The following DIS3 variants were observed in gnomAD, a reference collection of about 807,000 sequenced individuals.
DIS3 encodes exosome complex exonuclease RRP44.
DIS3 carries 103 observed loss-of-function variants against 113.0 expected under a neutral mutation model. The ratio of observed to expected loss-of-function variants is 0.91; its 90% CI spans 0.78 to 1.07. The LOEUF (loss-of-function observed/expected upper bound fraction) is 1.07, where lower values mean the gene tolerates loss of function less well. Among genes scored for constraint, DIS3 ranks in the 50% least tolerant of loss-of-function variants. The pLI is 0.00. For missense variants in DIS3, 1,121 were observed against 1,167.1 expected, an observed-to-expected ratio of 0.96 and a Z score of 0.58; for synonymous variants, 402 against 394.3, an observed-to-expected ratio of 1.02 and a Z score of -0.23.
intron 3 of DIS3, 63 bp downstream of exon 3, chr13:72,778,123 GC>G: frequency 7.4e-7 from 1 of 1,348,854 alleles, no homozygotes; most frequent in Non-Finnish European, 1.0e-6. Flanking sequence ...CTGACTATAG[GC>G]CTAATGATTA....
At chr13:72,767,828 C>T (rs1229160038) in intron 14 of DIS3, among the ~76,000 whole-genome samples, 3 of 152,194 alleles carry the variant, frequency 2.0e-5, no homozygotes, top group Non-Finnish European at 4.4e-5. Context: ...CTGCTTGTGA[C>T]CCTATCCTAG....
chr13:72,775,834 T>C (rs1345027911), intron 5 of DIS3, 91 bp downstream of exon 5: 1 of 1,132,950 alleles, frequency 8.8e-7, no homozygotes, highest in Non-Finnish European at 1.2e-6. Context: ...AAGCCTCATA[T>C]GTTACACAAA....
In DIS3 at chr13:72,772,311, T is replaced by A. The variant is rs765240194; in HGVS notation, c.1387-36A>T. The A allele has an allele frequency of 2.0e-6, 3 of 1,485,218 alleles. No homozygotes were observed. The East Asian group carries it at 6.8e-5, about 34-fold the overall frequency. The allele number at this position is 1,485,218 out of a possible 1,614,324, so 92.0% of individuals were successfully genotyped here. A position where few individuals can be genotyped will look rare whatever the true frequency, so the allele number is the denominator to read the frequency against. ...TGAAATGATAAACAAATAAATTATTTCCAAAGCACAACTACAACATATTAA... is the reference window on the plus strand; with the variant it reads ...TGAAATGATAAACAAATAAATTATTACCAAAGCACAACTACAACATATTAA... On this transcript the variant is annotated intron_variant, in intron 9 of 20. Transcript: ENST00000377767.
chr13:72,761,063 T>A, intron 19 of DIS3, among the ~76,000 whole-genome samples: 1 of 151,958 alleles, frequency 6.6e-6, no homozygotes, highest in East Asian at 1.9e-4. Context: ...AAAAAAAAGT[T>A]CCTTCCCCGA....
intron 19 of DIS3, 112 bp from the exon 20 acceptor site, chr13:72,760,763 G>A: frequency 7.8e-7 from 1 of 1,288,126 alleles, no homozygotes; most frequent in Non-Finnish European, 1.0e-6. Context: ...AAATTAGTAA[G>A]CATCTACGTG....
At chr13:72,776,222 T>C (rs1244323782) in intron 4 of DIS3, 130 bp from the exon 5 acceptor site, 4 of 861,348 alleles carry the variant, frequency 4.6e-6, no homozygotes, top group African/African-American at 1.8e-5. Context: ...GGAGAGAAGA[T>C]AGCAGTGTTT....
At chr13:72,769,246 G>A (rs903319085) in intron 13 of DIS3, among the ~76,000 whole-genome samples, 2 of 152,102 alleles carry the variant, frequency 1.3e-5, no homozygotes, top group Admixed American at 6.5e-5. Flanking sequence ...AGGTTAGATC[G>A]ATTCCTTCTC....
At chr13:72,762,274 A>G in intron 16 of DIS3, 137 bp from the exon 17 acceptor site, 3 of 757,712 alleles carry the variant, frequency 4.0e-6, no homozygotes, top group Non-Finnish European at 4.2e-6. Flanking sequence ...TAGAAGTAGT[A>G]GCCAGAAACA....
intron 11 of DIS3, among the ~76,000 whole-genome samples, chr13:72,771,444 T>G (rs919495514): frequency 2.0e-5 from 3 of 152,150 alleles, no homozygotes; most frequent in South Asian, 2.1e-4. Flanking sequence ...CTGGTCTGTA[T>G]AAGTTTATAC....
chr13:72,763,378 T>A, intron 16 of DIS3, 73 bp downstream of exon 16: 1 of 1,458,778 alleles, frequency 6.9e-7, no homozygotes, highest in Non-Finnish European at 9.2e-7. Flanking sequence ...TATGGAAATA[T>A]GAATATAAAT....
chr13:72,758,884 T>C lies in DIS3; in HGVS notation c.*911A>G, dbSNP rs2138142184. ...AGGCAACCCTATCCCAAAATATTCCTGAAGATATTAATTTAATCATTACTA... is the reference window on the plus strand; with the variant it reads ...AGGCAACCCTATCCCAAAATATTCCCGAAGATATTAATTTAATCATTACTA... On this transcript the variant is annotated 3_prime_UTR_variant, in exon 21 of 21. Coordinates refer to ENST00000377767, the MANE Select transcript of DIS3 (RefSeq NM_014953.5). The C allele has an allele frequency of 5.5e-6, 1 of 183,442 alleles. No homozygotes were observed. Among genetic ancestry groups the C allele is most frequent in the East Asian group, 8.9e-5 (1 of 11,248 alleles). The allele number at this position is 183,442 out of a possible 1,614,324, so 11.4% of individuals were successfully genotyped here. A position where few individuals can be genotyped will look rare whatever the true frequency, so the allele number is the denominator to read the frequency against.
intron 20 of DIS3, 80 bp from the exon 21 acceptor site, chr13:72,759,958 G>C: frequency 8.9e-7 from 1 of 1,128,334 alleles, no homozygotes; most frequent in Non-Finnish European, 1.3e-6. Flanking sequence ...CTTCCCCACT[G>C]CCAGCTTCAA....
chr13:72,772,971 C>G, intron 8 of DIS3, 132 bp from the exon 9 acceptor site: 1 of 1,048,102 alleles, frequency 9.5e-7, no homozygotes, highest in East Asian at 2.8e-5. Flanking sequence ...GAAAAATGAC[C>G]CTTTAGTAAA....
At chr13:72,769,685 G>A (rs1287993966) in intron 13 of DIS3, among the ~76,000 whole-genome samples, 1 of 152,020 alleles carries the variant, frequency 6.6e-6, no homozygotes, top group Non-Finnish European at 1.5e-5. Flanking sequence ...ATATAATTTT[G>A]TTATACTGAC....
intron 15 of DIS3, 45 bp from the exon 16 acceptor site, chr13:72,763,652 G>C: frequency 6.4e-7 from 1 of 1,561,354 alleles, no homozygotes; most frequent in Non-Finnish European, 8.7e-7. Context: ...GAGAATCTGA[G>C]ACTTCTATAT....
At chr13:72,765,686 A>AT (rs35022505) in intron 15 of DIS3, among the ~76,000 whole-genome samples, 4 of 152,030 alleles carry the variant, frequency 2.6e-5, no homozygotes, top group South Asian at 4.1e-4. Context: ...AATTGGGGTA[A>AT]TTTTTTTTAT....
chr13:72,777,619 ACT>A, intron 3 of DIS3, 126 bp from the exon 4 acceptor site: 1 of 805,422 alleles, frequency 1.2e-6, no homozygotes, highest in Non-Finnish European at 2.0e-6. Context: ...TGAGAGTCTC[ACT>A]CTGTCTCTCA....
At position 72,781,603 on chromosome 13, in the gene DIS3, A is replaced by C; in HGVS notation, c.228+2T>G. 6.6e-7 allele frequency: 1 copy of C among 1,508,184 alleles called. No individual in the cohort carries two copies. Among genetic ancestry groups the C allele is most frequent in the Non-Finnish European group, 8.9e-7 (1 of 1,124,116 alleles). 93.4% of individuals were successfully genotyped at this position (1,508,184 alleles called of 1,614,324 possible). ...CTGTCCGCGGTTCGCCCGCCCACGC[A>C]CCTGGTGCAGTAACACATTAGTGTC... On this transcript the variant is annotated splice_donor_variant, in intron 1 of 20. Transcript: ENST00000377767. LOFTEE classifies it high-confidence loss of function.
At position 72,774,148 on chromosome 13, in the gene DIS3, C is replaced by T. The variant is rs185826106; in HGVS notation, c.988-89G>A. ...CAAAATCAAAATGCATACATGGATA[C>T]TAATCCATTCAGGCAGTAAATTATG... is the stretch of plus-strand genomic sequence containing the variant. On this transcript the variant is annotated intron_variant, in intron 6 of 20. Transcript: ENST00000377767. The T allele has an allele frequency of 1.7e-4, 123 of 744,458 alleles. 2 individuals carry two copies. In the East Asian group the frequency reaches 3.1e-3, roughly 19 times the overall value. The allele number at this position is 744,458 out of a possible 1,614,324, so 46.1% of individuals were successfully genotyped here.
Sources: gnomAD v4.1 joint callset for allele counts (sites outside exome capture counted in the v4.1 genomes callset) on GRCh38, gnomAD v4.1.1 for gene constraint, MANE v1.5 for transcripts, NCBI Gene and HGNC (gene_info 2026-07-23, HGNC 2026-07-21) for gene names.